The following PRKN variants were observed in gnomAD, a reference collection of about 807,000 sequenced individuals.
PRKN encodes parkin RBR E3 ubiquitin protein ligase.
A neutral mutation model predicts 59.5 loss-of-function variants in PRKN; 56 were observed. That is an observed-to-expected ratio of 0.94 (90% CI 0.76 to 1.18). The LOEUF (loss-of-function observed/expected upper bound fraction) is 1.18, where lower values mean the gene tolerates loss of function less well. Among genes scored for constraint, PRKN ranks in the 50% most tolerant of loss-of-function variants. The pLI, the probability that PRKN is intolerant of heterozygous loss-of-function variation, is 0.00. For missense variants in PRKN, 657 were observed against 596.4 expected (o/e 1.10, Z -1.06); for synonymous variants, 250 against 222.1 (o/e 1.13, Z -1.12).
At chr6:162,577,712 C>T (rs776871271) in intron 1 of PRKN, among the ~76,000 whole-genome samples, 2 of 152,214 alleles carry the variant, frequency 1.3e-5, no homozygotes, top group Admixed American at 6.5e-5. Context: ...AAGGATTACT[C>T]GAGACCAGGG....
In PRKN at chr6:162,037,726, T is replaced by C. The variant is rs566247278; in HGVS notation, c.618+16365A>G. ...CACACCCAGCTAGCTTTTGTATTTTTAGTAGAGACAGGGTTTCACCATGTT... is the reference window on the plus strand; with the variant it reads ...CACACCCAGCTAGCTTTTGTATTTTCAGTAGAGACAGGGTTTCACCATGTT... On this transcript the variant is annotated intron_variant, in intron 5 of 11. Coordinates refer to ENST00000366898, the MANE Select transcript of PRKN (RefSeq NM_004562.3). Among the ~76,000 whole-genome samples the C allele has an allele frequency of 2.1e-4, 32 of 152,042 alleles. 2 individuals carry two copies. In the South Asian group the frequency reaches 6.2e-3, roughly 30 times the overall value.
chr6:162,032,793 G>C (rs916103819), intron 5 of PRKN, among the ~76,000 whole-genome samples: 9 of 152,136 alleles, frequency 5.9e-5, no homozygotes, highest in African/African-American at 2.2e-4. Context: ...ATGTGTGGCA[G>C]AATGAGAAAC....
chr6:162,246,841 A>T (rs898494602), intron 3 of PRKN, among the ~76,000 whole-genome samples: 13 of 152,156 alleles, frequency 8.5e-5, no homozygotes, highest in Admixed American at 8.5e-4. Flanking sequence ...TAGCTGACTA[A>T]ATAGAATAAT....
chr6:162,451,570 A>T (rs1790629248), intron 1 of PRKN, among the ~76,000 whole-genome samples: 1 of 152,082 alleles, frequency 6.6e-6, no homozygotes, highest in Non-Finnish European at 1.5e-5. Flanking sequence ...ATTTTAAAAA[A>T]AAGAAAAAAA....
chr6:162,420,261 G>T (rs1583544090), intron 2 of PRKN, among the ~76,000 whole-genome samples: 1 of 121,602 alleles, frequency 8.2e-6, no homozygotes, highest in Admixed American at 8.4e-5. Flanking sequence ...TTTCACAATG[G>T]CGGGGAGGGG....
At chr6:162,346,991 T>C (rs201122151) in intron 2 of PRKN, among the ~76,000 whole-genome samples, 1 of 151,924 alleles carries the variant, frequency 6.6e-6, no homozygotes, top group Non-Finnish European at 1.5e-5. Flanking sequence ...TTGTTAAGTG[T>C]ACTTTTTTAT....
intron 6 of PRKN, among the ~76,000 whole-genome samples, chr6:161,877,440 C>T (rs1794772728): frequency 6.6e-6 from 1 of 151,426 alleles, no homozygotes; most frequent in African/African-American, 2.4e-5. Context: ...GCTGATAATG[C>T]AAATATGGAA....
chr6:161,370,033 T>G (rs1562400473), intron 10 of PRKN: 1 of 436,688 alleles, frequency 2.3e-6, no homozygotes, highest in Non-Finnish European at 4.7e-6. Context: ...ACTTTGTTAT[T>G]GTAATCATCA....
intron 1 of PRKN, among the ~76,000 whole-genome samples, chr6:162,706,796 A>C (rs1350188222): frequency 6.6e-6 from 1 of 151,612 alleles, no homozygotes. Context: ...TGCAAAACAT[A>C]AAGGGAATGT....
intron 5 of PRKN, among the ~76,000 whole-genome samples, chr6:162,017,591 G>GGTTT (rs202068602): frequency 7.2e-6 from 1 of 138,772 alleles, no homozygotes; most frequent in Non-Finnish European, 1.6e-5. Flanking sequence ...GAAAAACCAT[G>GGTTT]GTTTAACATT....
intron 4 of PRKN, among the ~76,000 whole-genome samples, chr6:162,156,489 G>A (rs558695077): frequency 2.0e-5 from 3 of 152,184 alleles, no homozygotes; most frequent in Non-Finnish European, 2.9e-5. Flanking sequence ...AATCACAGAT[G>A]TAAGAGTCCA....
At chr6:161,929,643 C>A (rs1583360251) in intron 6 of PRKN, among the ~76,000 whole-genome samples, 1 of 150,564 alleles carries the variant, frequency 6.6e-6, no homozygotes, top group Non-Finnish European at 1.5e-5. Flanking sequence ...CTTGCCTCAG[C>A]CTCCCAAGTA....
At chr6:162,381,847 C>T (rs1307331103) in intron 2 of PRKN, among the ~76,000 whole-genome samples, 3 of 152,106 alleles carry the variant, frequency 2.0e-5, no homozygotes, top group East Asian at 1.9e-4. Flanking sequence ...TTCCACATTA[C>T]GTCCTTAGAC....
At chr6:161,536,116 T>C (rs921726315) in intron 9 of PRKN, among the ~76,000 whole-genome samples, 1 of 152,184 alleles carries the variant, frequency 6.6e-6, no homozygotes, top group Admixed American at 6.5e-5. Context: ...TGAATTCCTT[T>C]GGTCATTATT....
chr6:161,870,602 T>C (rs1453877437), intron 6 of PRKN, among the ~76,000 whole-genome samples: 1 of 152,220 alleles, frequency 6.6e-6, no homozygotes, highest in Non-Finnish European at 1.5e-5. Context: ...TGTTTCATGA[T>C]CAGAAGGCTA....
chr6:161,430,312 C>T (rs4437447), intron 9 of PRKN, among the ~76,000 whole-genome samples: 36,660 of 152,174 alleles, frequency 0.24, 5,293 homozygotes, highest in Non-Finnish European at 0.33. Context: ...GACCTAATCA[C>T]TGCCTAAAGG....
At position 161,413,911 on chromosome 6, in the gene PRKN, G is replaced by C. The variant is rs1374476576; in HGVS notation, c.1084-27034C>G. Among the ~76,000 whole-genome samples the C allele has an allele frequency of 6.6e-6, 1 of 152,120 alleles. No homozygotes were observed. Among genetic ancestry groups the C allele is most frequent in the East Asian group, 1.9e-4 (1 of 5,180 alleles). ...CAGCTGCTGTTCCTTTCTCTTTCCT[G>C]CCTTCTGAAGAGGAGACTGTGGAAA... On this transcript the variant is annotated intron_variant, in intron 9 of 11. Transcript: ENST00000366898. The surrounding 1 kb of genome is among the most constrained non-coding windows in gnomAD (Gnocchi z 4.4).
At chr6:162,269,003 A>AAAAC (rs36125956) in intron 2 of PRKN, among the ~76,000 whole-genome samples, 63,966 of 151,648 alleles carry the variant, frequency 0.42, 16,926 homozygotes, top group African/African-American at 0.76. Flanking sequence ...GAAACAAAAC[A>AAAAC]AAACAAACAA....
chr6:162,196,710 A>G (rs964963054), intron 4 of PRKN, among the ~76,000 whole-genome samples: 18 of 152,186 alleles, frequency 1.2e-4, no homozygotes, highest in Admixed American at 3.9e-4. Context: ...TCAGTTCCCC[A>G]TGCCTAACAT....
Sources: allele counts gnomAD v4.1 joint callset (sites outside exome capture counted in the v4.1 genomes callset), GRCh38; gene constraint gnomAD v4.1.1; non-coding constraint Gnocchi (gnomAD v3.1); transcripts MANE v1.5; gene names NCBI Gene and HGNC (gene_info 2026-07-23, HGNC 2026-07-21).